Variants in LRRC4C observed in about 807,000 individuals in gnomAD.
LRRC4C encodes leucine rich repeat containing 4C, also known as leucine-rich repeat-containing protein 4C.
A neutral mutation model predicts 33.6 loss-of-function variants in LRRC4C; 5 were observed. The observed-to-expected ratio is 0.15, with a 90% CI of 0.08 to 0.31. The LOEUF (loss-of-function observed/expected upper bound fraction) is 0.31. LRRC4C is among the 10% of genes least tolerant of loss of function. The pLI, the probability that LRRC4C is intolerant of heterozygous loss-of-function variation, is 1.00. For synonymous variants in LRRC4C, 329 were observed against 302.0 expected, an observed-to-expected ratio of 1.09 and a Z score of -0.93; for missense variants, 560 against 796.7, an observed-to-expected ratio of 0.70 and a Z score of 3.58.
rs542783893 is a variant in LRRC4C, at chr11:40,432,825, C to A, written c.-269-113104G>T. Reference sequence around the variant, plus strand: ...ATTAATGACTCCAAACAATGACCAACCCATAAATAAAAGTGCTATTTAGAG... The same window carrying A: ...ATTAATGACTCCAAACAATGACCAAACCATAAATAAAAGTGCTATTTAGAG... On this transcript the variant is annotated intron_variant, in intron 3 of 6. Transcript: ENST00000528697. Among the ~76,000 whole-genome samples the A allele has an allele frequency of 3.3e-5, 5 of 152,234 alleles. No homozygotes were observed. The South Asian group carries it at 1.0e-3, about 32-fold the overall frequency.
intron 4 of LRRC4C, among the ~76,000 whole-genome samples, chr11:40,306,866 T>A (rs1225327425): frequency 6.6e-6 from 1 of 152,176 alleles, no homozygotes; most frequent in South Asian, 2.1e-4. Context: ...AGATGTGCTA[T>A]GTAATCTCAA....
In LRRC4C at chr11:40,209,732, C is replaced by A. The variant is rs188102446; in HGVS notation, c.-96+31787G>T. 6.6e-5 allele frequency among the ~76,000 whole-genome samples: 10 copies of A among 152,194 alleles called. No homozygotes were observed. In the East Asian group the frequency reaches 1.9e-3, roughly 29 times the overall value. ...CACTACCCATGTGTCAGGCACTTTG[C>A]TGGATATGAGAGATTCAACAACAAA... On this transcript the variant is annotated intron_variant, in intron 5 of 6. Coordinates refer to ENST00000528697, the MANE Select transcript of LRRC4C (RefSeq NM_001258419.2).
intron 1 of LRRC4C, among the ~76,000 whole-genome samples, chr11:41,374,747 T>C (rs1952874917): frequency 6.6e-6 from 1 of 152,176 alleles, no homozygotes; most frequent in South Asian, 2.1e-4. Flanking sequence ...GGTGTAAAAA[T>C]ATTATTAAAA....
chr11:40,591,345 G>A (rs907220249), intron 3 of LRRC4C, among the ~76,000 whole-genome samples: 4 of 152,216 alleles, frequency 2.6e-5, no homozygotes, highest in African/African-American at 4.8e-5. Flanking sequence ...GCTGGTGCAC[G>A]GTGCACGGAC....
intron 3 of LRRC4C, among the ~76,000 whole-genome samples, chr11:40,588,894 C>T (rs1958895498): frequency 6.6e-6 from 1 of 151,972 alleles, no homozygotes; most frequent in Admixed American, 6.6e-5. Flanking sequence ...GCTTTACTTC[C>T]AAGTATGTGG....
At chr11:41,045,539 TC>T (rs1228158766) in intron 1 of LRRC4C, among the ~76,000 whole-genome samples, 1 of 152,110 alleles carries the variant, frequency 6.6e-6, no homozygotes, top group Non-Finnish European at 1.5e-5. Flanking sequence ...TTCTGAAAAC[TC>T]CTGCTGACTT....
chr11:40,800,137 A>C (rs1490476018), intron 2 of LRRC4C, among the ~76,000 whole-genome samples: 1 of 152,210 alleles, frequency 6.6e-6, no homozygotes, highest in Non-Finnish European at 1.5e-5. Context: ...AATTTTGTTT[A>C]AGTTTTTTAG....
At chr11:40,756,666 A>G (rs1948963660) in intron 2 of LRRC4C, among the ~76,000 whole-genome samples, 1 of 152,084 alleles carries the variant, frequency 6.6e-6, no homozygotes, top group African/African-American at 2.4e-5. Context: ...TAAACTGGTC[A>G]ATTAAAACGT....
chr11:41,377,727 G>A (rs1018665255), intron 1 of LRRC4C, among the ~76,000 whole-genome samples: 9 of 152,116 alleles, frequency 5.9e-5, no homozygotes, highest in African/African-American at 2.2e-4. Context: ...GCACTGAAAT[G>A]TTTTACTCGT....
intron 1 of LRRC4C, among the ~76,000 whole-genome samples, chr11:41,053,350 G>A (rs974275477): frequency 1.3e-5 from 2 of 152,174 alleles, no homozygotes; most frequent in African/African-American, 4.8e-5. Context: ...CCGGCTGCTG[G>A]CTAACAGCAA....
chr11:41,376,666 G>A (rs890409866), intron 1 of LRRC4C, among the ~76,000 whole-genome samples: 10 of 152,100 alleles, frequency 6.6e-5, no homozygotes, highest in African/African-American at 2.4e-4. Flanking sequence ...TGTTTAAGAT[G>A]TAGATACTGA....
intron 2 of LRRC4C, among the ~76,000 whole-genome samples, chr11:40,653,454 G>A (rs779412821): frequency 9.2e-5 from 14 of 152,170 alleles, no homozygotes; most frequent in Non-Finnish European, 1.8e-4. Flanking sequence ...ATGGCATTTT[G>A]TCCCAGCCCT....
chr11:40,439,742 G>A (rs917030070), intron 3 of LRRC4C, among the ~76,000 whole-genome samples: 118 of 152,086 alleles, frequency 7.8e-4, no homozygotes, highest in African/African-American at 2.8e-3. Flanking sequence ...ATGAGCCACC[G>A]GGCCCGGCCC....
intron 3 of LRRC4C, among the ~76,000 whole-genome samples, chr11:40,340,506 G>T (rs896495247): frequency 2.3e-4 from 35 of 151,974 alleles, no homozygotes; most frequent in African/African-American, 8.5e-4. Context: ...GGATACATTT[G>T]GAATATAATA....
At chr11:40,583,961 G>A (rs1958589339) in intron 3 of LRRC4C, among the ~76,000 whole-genome samples, 1 of 151,590 alleles carries the variant, frequency 6.6e-6, no homozygotes, top group Non-Finnish European at 1.5e-5. Context: ...TAGACATCTA[G>A]TTAAAGTTAC....
intron 3 of LRRC4C, among the ~76,000 whole-genome samples, chr11:40,635,627 AAT>A (rs1491336830): frequency 2.0e-4 from 27 of 133,414 alleles, no homozygotes; most frequent in Middle Eastern, 4.0e-3. Flanking sequence ...AAAAGAACCA[AAT>A]TTTTTTTTTT....
intron 3 of LRRC4C, among the ~76,000 whole-genome samples, chr11:40,386,594 A>G (rs1051257995): frequency 2.6e-5 from 4 of 152,128 alleles, no homozygotes; most frequent in African/African-American, 9.7e-5. Context: ...GGATATTTGA[A>G]CTAGAAATTA....
chr11:40,468,404 C>A (rs1278872272), intron 3 of LRRC4C, among the ~76,000 whole-genome samples: 1 of 152,156 alleles, frequency 6.6e-6, no homozygotes, highest in Non-Finnish European at 1.5e-5. Flanking sequence ...AAGACATCAC[C>A]TGTTTGGATA....
intron 1 of LRRC4C, among the ~76,000 whole-genome samples, chr11:41,335,318 G>A (rs1275015857): frequency 6.6e-6 from 1 of 152,096 alleles, no homozygotes; most frequent in African/African-American, 2.4e-5. Flanking sequence ...TGTGTGGAGG[G>A]TATATGAATA....
Sources: allele counts gnomAD v4.1 joint callset (sites outside exome capture counted in the v4.1 genomes callset), GRCh38; gene constraint gnomAD v4.1.1; transcripts MANE v1.5; gene names NCBI Gene and HGNC (gene_info 2026-07-23, HGNC 2026-07-21).